Variants in JAZF1 observed in about 807,000 individuals in gnomAD.
JAZF1 encodes the protein juxtaposed with another zinc finger protein 1.
In JAZF1, 8 loss-of-function variants were observed where a neutral mutation model predicts 26.4. The observed-to-expected ratio is 0.30, with a 90% confidence interval of 0.18 to 0.55. The LOEUF (loss-of-function observed/expected upper bound fraction) is 0.55. Among genes scored for constraint, JAZF1 ranks in the 20% least tolerant of loss-of-function variants. The probability of loss-of-function intolerance (pLI) is 0.94; values close to 1 mark genes in which losing one functional copy is unlikely to be tolerated. For missense variants in JAZF1, 199 were observed against 322.0 expected, an observed-to-expected ratio of 0.62 and a Z score of 2.92; for synonymous variants, 126 against 122.3, an observed-to-expected ratio of 1.03 and a Z score of -0.20.
intron 1 of JAZF1, among the ~76,000 whole-genome samples, chr7:28,114,007 A>G (rs1784702267): frequency 6.6e-6 from 1 of 152,242 alleles, no homozygotes; most frequent in Non-Finnish European, 1.5e-5. Flanking sequence ...TTTTCCTTCC[A>G]AAAATCTTTA....
intron 1 of JAZF1, among the ~76,000 whole-genome samples, chr7:28,117,795 T>C (rs988172695): frequency 4.6e-5 from 7 of 152,308 alleles, no homozygotes; most frequent in East Asian, 1.9e-4. Flanking sequence ...TCATCAACAA[T>C]ATCTTTTGAG....
At chr7:28,081,919 C>A (rs532014619) in intron 1 of JAZF1, among the ~76,000 whole-genome samples, 1 of 152,098 alleles carries the variant, frequency 6.6e-6, no homozygotes, top group African/African-American at 2.4e-5. Context: ...AATCTATATA[C>A]CTGGATGATA....
intron 2 of JAZF1, among the ~76,000 whole-genome samples, chr7:27,943,849 C>T (rs1232669708): frequency 6.6e-6 from 1 of 152,170 alleles, no homozygotes; most frequent in Non-Finnish European, 1.5e-5. Flanking sequence ...TTTTCAACAT[C>T]CTGATGCTTC....
At chr7:28,106,749 G>C (rs1234763479) in intron 1 of JAZF1, among the ~76,000 whole-genome samples, 1 of 152,158 alleles carries the variant, frequency 6.6e-6, no homozygotes, top group African/African-American at 2.4e-5. Flanking sequence ...ACCTCTGAAG[G>C]CTGCATATAA....
intron 3 of JAZF1, among the ~76,000 whole-genome samples, chr7:27,863,286 C>T (rs1354047124): frequency 6.6e-6 from 1 of 152,144 alleles, no homozygotes; most frequent in Non-Finnish European, 1.5e-5. Flanking sequence ...CTTTGATGAC[C>T]CTGTTCTCCC....
chr7:27,940,222 T>G (rs7787507), intron 2 of JAZF1, among the ~76,000 whole-genome samples: 145,203 of 152,198 alleles, frequency 0.95, 69,366 homozygotes, highest in East Asian at 1. Context: ...ATAAGTTTCT[T>G]GGAAAGGCTG....
At chr7:28,051,403 G>A (rs1378795835) in intron 1 of JAZF1, among the ~76,000 whole-genome samples, 1 of 151,664 alleles carries the variant, frequency 6.6e-6, no homozygotes, top group African/African-American at 2.4e-5. Context: ...TGTATTTTTA[G>A]TAGTGATGGG....
intron 1 of JAZF1, among the ~76,000 whole-genome samples, chr7:28,177,095 G>A (rs929317617): frequency 3.3e-5 from 5 of 152,124 alleles, no homozygotes; most frequent in African/African-American, 1.2e-4. Context: ...CACAGTTGCA[G>A]GGCTACGGGA....
chr7:27,976,182 A>C (rs1785466205), intron 2 of JAZF1, among the ~76,000 whole-genome samples: 1 of 152,010 alleles, frequency 6.6e-6, no homozygotes, highest in Non-Finnish European at 1.5e-5. Flanking sequence ...GTCTCTACTA[A>C]AAATACAAAA....
At chr7:28,110,524 AGG>A (rs1562590958) in intron 1 of JAZF1, among the ~76,000 whole-genome samples, 6 of 80,544 alleles carry the variant, frequency 7.4e-5, no homozygotes, top group Non-Finnish European at 1.5e-4. Flanking sequence ...GAAAAGGAAA[AGG>A]AAAAGGAAAG....
intron 2 of JAZF1, among the ~76,000 whole-genome samples, chr7:27,943,873 C>G (rs1784886678): frequency 6.6e-6 from 1 of 152,178 alleles, no homozygotes; most frequent in Non-Finnish European, 1.5e-5. Context: ...TCACCTTATT[C>G]TGTCAAGGTA....
At position 27,956,360 on chromosome 7, in the gene JAZF1, A is replaced by G. The variant is rs145421231; in HGVS notation, c.188+35549T>C. Among the ~76,000 whole-genome samples, 62 of 152,256 alleles carry G rather than the reference A, an allele frequency of 4.1e-4. 1 individual carries two copies. In the East Asian group the frequency reaches 6.8e-3, roughly 17 times the overall value. ...CTTCCCTCACTGATTCTGCCAGGTG[A>G]CCAAAGACCCCTATTAAGATCATGC... On this transcript the variant is annotated intron_variant, in intron 2 of 4. Transcript: ENST00000283928.
At chr7:28,045,964 C>A (rs866636718) in intron 1 of JAZF1, among the ~76,000 whole-genome samples, 4 of 152,114 alleles carry the variant, frequency 2.6e-5, no homozygotes, top group African/African-American at 9.7e-5. Flanking sequence ...AACCATTAAA[C>A]AATTTAAGAA....
chr7:28,140,684 T>A (rs954446112), intron 1 of JAZF1, among the ~76,000 whole-genome samples: 1 of 152,218 alleles, frequency 6.6e-6, no homozygotes, highest in Non-Finnish European at 1.5e-5. Flanking sequence ...GAGTCAATAA[T>A]AATATGTGTA....
chr7:28,087,927 T>C (rs895765967), intron 1 of JAZF1, among the ~76,000 whole-genome samples: 2 of 152,212 alleles, frequency 1.3e-5, no homozygotes, highest in Non-Finnish European at 1.5e-5. Flanking sequence ...TTTTTTTTCC[T>C]AGTGGGAATA....
intron 3 of JAZF1, among the ~76,000 whole-genome samples, chr7:27,866,203 GCTTA>G (rs1013533269): frequency 8.6e-4 from 131 of 152,294 alleles, no homozygotes; most frequent in African/African-American, 3.1e-3. Flanking sequence ...TAGTAATTTT[GCTTA>G]CTTAACAGAC....
intron 2 of JAZF1, among the ~76,000 whole-genome samples, chr7:27,966,769 G>C (rs551442367): frequency 6.6e-6 from 1 of 152,178 alleles, no homozygotes; most frequent in Non-Finnish European, 1.5e-5. Flanking sequence ...CTCTCAAGGG[G>C]TAATTTTTTT....
At chr7:27,872,644 GTTAC>G (rs933507141) in intron 3 of JAZF1, among the ~76,000 whole-genome samples, 2 of 152,190 alleles carry the variant, frequency 1.3e-5, no homozygotes, top group African/African-American at 2.4e-5. Flanking sequence ...ATGAACATCT[GTTAC>G]TTACTTACAC....
chr7:28,048,918 T>C (rs765011306), intron 1 of JAZF1, among the ~76,000 whole-genome samples: 5 of 152,086 alleles, frequency 3.3e-5, no homozygotes, highest in Non-Finnish European at 7.4e-5. Context: ...CCATACTCCA[T>C]GTTTCTATTT....
Sources: gnomAD v4.1 joint callset for allele counts (sites outside exome capture counted in the v4.1 genomes callset) on GRCh38, gnomAD v4.1.1 for gene constraint, MANE v1.5 for transcripts, NCBI Gene and HGNC (gene_info 2026-07-23, HGNC 2026-07-21) for gene names.